The following CPA6 variants were observed in gnomAD, a reference collection of about 807,000 sequenced individuals.
The protein encoded by CPA6 is carboxypeptidase A6, also known as carboxypeptidase B.
CPA6 carries 58 observed loss-of-function variants against 63.3 expected under a neutral mutation model. The observed-to-expected ratio is 0.92, with a 90% CI of 0.74 to 1.14. CPA6 has a LOEUF of 1.14. CPA6 is among the 50% of genes most tolerant of loss of function. The pLI, the probability that CPA6 is intolerant of heterozygous loss-of-function variation, is 0.00. For synonymous variants in CPA6, 185 were observed against 179.0 expected, an observed-to-expected ratio of 1.03 and a Z score of -0.27; for missense variants, 565 against 526.6, an observed-to-expected ratio of 1.07 and a Z score of -0.71.
intron 1 of CPA6, among the ~76,000 whole-genome samples, chr8:67,629,806 A>G (rs1402868131): frequency 1.3e-5 from 2 of 152,082 alleles, no homozygotes; most frequent in Non-Finnish European, 2.9e-5. Flanking sequence ...TTATTTTACA[A>G]TACTTTTTAT....
intron 6 of CPA6, among the ~76,000 whole-genome samples, chr8:67,501,350 C>T (rs374211926): frequency 6.6e-6 from 1 of 152,008 alleles, no homozygotes; most frequent in East Asian, 1.9e-4. Context: ...TTAAAAATTC[C>T]AGTGTCCACG....
At chr8:67,738,574 T>C in intron 1 of CPA6, among the ~76,000 whole-genome samples, 1 of 152,260 alleles carries the variant, frequency 6.6e-6, no homozygotes, top group Middle Eastern at 3.4e-3. Context: ...AACAACCCAA[T>C]AGTATCCTTA....
chr8:67,436,144 A>G (rs114942543), intron 8 of CPA6, among the ~76,000 whole-genome samples: 2,201 of 152,044 alleles, frequency 0.014, 45 homozygotes, highest in African/African-American at 0.051. Flanking sequence ...CTATTTCCCC[A>G]GTGTAGAGTG....
At chr8:67,582,410 T>C (rs1813799520) in intron 2 of CPA6, among the ~76,000 whole-genome samples, 1 of 152,188 alleles carries the variant, frequency 6.6e-6, no homozygotes, top group African/African-American at 2.4e-5. Context: ...TAATCCATAG[T>C]ATAAGTCCTG....
At chr8:67,561,340 C>A (rs1813207435) in intron 2 of CPA6, among the ~76,000 whole-genome samples, 1 of 152,174 alleles carries the variant, frequency 6.6e-6, no homozygotes, top group African/African-American at 2.4e-5. Context: ...GCTTGGCAGA[C>A]ACCTTTTCAA....
chr8:67,596,898 G>C (rs1238944542), intron 2 of CPA6, among the ~76,000 whole-genome samples: 1 of 152,138 alleles, frequency 6.6e-6, no homozygotes, highest in Non-Finnish European at 1.5e-5. Flanking sequence ...CTCATGATTA[G>C]ATGCTGATTA....
chr8:67,509,410 T>C (rs1259420410), intron 5 of CPA6, 107 bp downstream of exon 5: 3 of 554,692 alleles, frequency 5.4e-6, no homozygotes, highest in South Asian at 5.2e-5. Flanking sequence ...ATGTTAAATA[T>C]GAGACTCTAT....
chr8:67,481,496 T>G (rs1811360131), intron 8 of CPA6, among the ~76,000 whole-genome samples: 1 of 152,362 alleles, frequency 6.6e-6, no homozygotes, highest in East Asian at 1.9e-4. Flanking sequence ...CTATTCCACA[T>G]GCACGCACTA....
chr8:67,567,237 C>A (rs1372815729), intron 2 of CPA6, among the ~76,000 whole-genome samples: 1 of 152,132 alleles, frequency 6.6e-6, no homozygotes, highest in African/African-American at 2.4e-5. Flanking sequence ...GATACATGGG[C>A]CTGGCCAGGG....
At chr8:67,569,169 C>G (rs1258047258) in intron 2 of CPA6, among the ~76,000 whole-genome samples, 2 of 152,098 alleles carry the variant, frequency 1.3e-5, no homozygotes, top group Admixed American at 6.5e-5. Flanking sequence ...AGGAGTTCAC[C>G]AAGATATATA....
intron 1 of CPA6, among the ~76,000 whole-genome samples, chr8:67,657,073 C>T (rs1587676970): frequency 6.6e-6 from 1 of 152,200 alleles, no homozygotes; most frequent in East Asian, 1.9e-4. Context: ...CATGGTGTCT[C>T]CGGATTCAGG....
chr8:67,724,649 A>C lies in CPA6; in HGVS notation c.116+21365T>G, dbSNP rs1052580405. Among the ~76,000 whole-genome samples, 15 of 152,252 alleles carry C rather than the reference A, an allele frequency of 9.9e-5. No homozygotes were observed. The South Asian group carries it at 1.4e-3, about 15-fold the overall frequency. On this transcript the variant is annotated intron_variant, in intron 1 of 10. Coordinates refer to ENST00000297770, the MANE Select transcript of CPA6 (RefSeq NM_020361.5). The stretch of plus-strand genomic sequence containing the variant: ...GATGAGGAACAACTGAGACAACCCA[A>C]GACAAAGTGCTTTGCAAAGTCTAAT...
chr8:67,680,701 T>C (rs1816573320), intron 1 of CPA6, among the ~76,000 whole-genome samples: 2 of 152,150 alleles, frequency 1.3e-5, no homozygotes, highest in South Asian at 4.1e-4. Flanking sequence ...TGAATGTCTA[T>C]TACCTCAAAA....
At chr8:67,483,290 T>G (rs1188893100) in intron 8 of CPA6, 1 of 154,378 alleles carries the variant, frequency 6.5e-6, no homozygotes, top group African/African-American at 2.4e-5. Context: ...AAACATGGAA[T>G]GCAGCAGAAA....
At chr8:67,588,950 C>T (rs187384032) in intron 2 of CPA6, among the ~76,000 whole-genome samples, 54 of 152,064 alleles carry the variant, frequency 3.6e-4, no homozygotes, top group African/African-American at 1.3e-3. Flanking sequence ...AACCCTGTTT[C>T]TATTAAAAAT....
chr8:67,713,798 T>C lies in CPA6; in HGVS notation c.116+32216A>G, dbSNP rs546604266. Among the ~76,000 whole-genome samples, 3 of 152,304 alleles carry C rather than the reference T, an allele frequency of 2.0e-5. No homozygotes were observed. The East Asian group carries it at 5.8e-4, about 29-fold the overall frequency. ...CTAAGAGAAGACAGATTTTACAATA[T>C]ACTGGCCAGTGGAAGTGCTGCTTTA... On this transcript the variant is annotated intron_variant, in intron 1 of 10. Transcript: ENST00000297770.
chr8:67,472,761 A>G (rs1036940935), intron 8 of CPA6, among the ~76,000 whole-genome samples: 1 of 152,190 alleles, frequency 6.6e-6, no homozygotes, highest in Non-Finnish European at 1.5e-5. Flanking sequence ...TTGTAATGTC[A>G]TTATCAAAAA....
At position 67,467,824 on chromosome 8, in the gene CPA6, GAAAACCCATCTCTATTA is replaced by G. The variant is rs1195184979; in HGVS notation, c.838+15927_838+15943del. Among the ~76,000 whole-genome samples the G allele has an allele frequency of 2.0e-5, 3 of 148,810 alleles. No homozygotes were observed. In the East Asian group the frequency reaches 5.9e-4, roughly 29 times the overall value. On this transcript the variant is annotated intron_variant, in intron 8 of 10. Transcript: ENST00000297770. ...TCGAGACCAGCCTGGCCAACAGGGT[GAAAACCCATCTCTATTA>G]AAAATACAAAAATTAAGCCTGGGCG...
At chr8:67,460,216 T>C (rs1810769905) in intron 8 of CPA6, among the ~76,000 whole-genome samples, 1 of 152,240 alleles carries the variant, frequency 6.6e-6, no homozygotes, top group African/African-American at 2.4e-5. Flanking sequence ...CCCAGCATTG[T>C]GCTTTGCTCA....
Sources: allele counts gnomAD v4.1 joint callset (sites outside exome capture counted in the v4.1 genomes callset), GRCh38; gene constraint gnomAD v4.1.1; transcripts MANE v1.5; gene names NCBI Gene and HGNC (gene_info 2026-07-23, HGNC 2026-07-21).